Variants in BCL2L13 observed in about 807,000 individuals in gnomAD.
BCL2L13 encodes the protein BCL2 like 13.
A neutral mutation model predicts 25.8 loss-of-function variants in BCL2L13; 13 were observed. The observed-to-expected ratio is 0.50, with a 90% CI of 0.33 to 0.80. The LOEUF (loss-of-function observed/expected upper bound fraction) is 0.80. BCL2L13 is among the 30% of genes least tolerant of loss of function. The pLI is 0.02. For synonymous variants in BCL2L13, 244 were observed against 230.3 expected, an observed-to-expected ratio of 1.06 and a Z score of -0.54; for missense variants, 504 against 574.9, an observed-to-expected ratio of 0.88 and a Z score of 1.26.
At chr22:17,638,749 G>A, upstream of BCL2L13, 1 of 1,231,762 alleles carries the variant, frequency 8.1e-7, no homozygotes, top group Non-Finnish European at 1.0e-6. Context: ...GCACGCCGGG[G>A]TGACCTCACC....
intron 1 of BCL2L13, among the ~76,000 whole-genome samples, chr22:17,653,983 T>G (rs1364174717): frequency 6.6e-6 from 1 of 152,152 alleles, no homozygotes; most frequent in African/African-American, 2.4e-5. Context: ...CTATGAAAAC[T>G]CCTGAGGTCT....
At chr22:17,676,593 A>G (rs1372893432) in intron 2 of BCL2L13, among the ~76,000 whole-genome samples, 2 of 152,242 alleles carry the variant, frequency 1.3e-5, no homozygotes, top group Admixed American at 1.3e-4. Flanking sequence ...CTGGAAGGGA[A>G]AGAGAGAATT....
chr22:17,650,175 T>C (rs2058635631), intron 1 of BCL2L13, among the ~76,000 whole-genome samples: 1 of 152,128 alleles, frequency 6.6e-6, no homozygotes, highest in Admixed American at 6.6e-5. Context: ...CGGCTGACTC[T>C]TCTTATTTTC....
chr22:17,649,123 G>A (rs1255171766), intron 1 of BCL2L13, among the ~76,000 whole-genome samples: 10 of 150,960 alleles, frequency 6.6e-5, no homozygotes, highest in Middle Eastern at 3.4e-3. Context: ...TTTGGGAGAC[G>A]GAGTCTAGCT....
chr22:17,702,447 T>C, intron 6 of BCL2L13, 61 bp downstream of exon 6: 1 of 1,417,272 alleles, frequency 7.1e-7, no homozygotes, highest in Non-Finnish European at 9.3e-7. Flanking sequence ...GTTGTTTTTC[T>C]TAAGAGATGG....
chr22:17,680,942 G>A (rs1286354577), intron 2 of BCL2L13, among the ~76,000 whole-genome samples: 1 of 152,048 alleles, frequency 6.6e-6, no homozygotes, highest in Non-Finnish European at 1.5e-5. Flanking sequence ...AGTTGGGATG[G>A]CGCTGTAGGG....
intron 1 of BCL2L13, among the ~76,000 whole-genome samples, chr22:17,651,367 CTATT>C (rs148784214): frequency 0.23 from 11,506 of 49,480 alleles, 905 homozygotes; most frequent in East Asian, 0.5. Context: ...CAGCCTAGAC[CTATT>C]TATTTATTTA....
Position 17,726,742 on chromosome 22 carries a change from T to G in BCL2L13, c.666T>G (p.Asn222Lys). 6.2e-7 allele frequency: 1 copy of G among 1,614,168 alleles called. No homozygotes were observed. The highest frequency in any genetic ancestry group is 8.5e-7 in the Non-Finnish European group (1 of 1,179,998). The change falls in exon 7 of 7, where the codon AAT becomes AAG. Residue 222 changes from asparagine to lysine, a missense_variant. Transcript: ENST00000317582. Reference sequence around the variant, plus strand: ...CTGGAATCACTGCAGAAGATAGCAATGACATTTACATCCTGCCCAGCGACA... The same window carrying G: ...CTGGAATCACTGCAGAAGATAGCAAGGACATTTACATCCTGCCCAGCGACA... Reference protein sequence around the residue: ...EYPGITAEDSNDIYILPSDNS... With the variant: ...EYPGITAEDSKDIYILPSDNS...
chr22:17,638,654 C>G, upstream of BCL2L13: 1 of 1,229,048 alleles, frequency 8.1e-7, no homozygotes, highest in East Asian at 3.2e-5. Flanking sequence ...ACCTCCGGGG[C>G]CTCCGTTGGT....
At chr22:17,634,472 A>G (rs2058074801), upstream of BCL2L13, among the ~76,000 whole-genome samples, 2 of 152,230 alleles carry the variant, frequency 1.3e-5, no homozygotes. Flanking sequence ...GGCGTGAGCC[A>G]TCGCACCCAG....
In BCL2L13 at chr22:17,659,036, C is replaced by T. The variant is rs1283829298; in HGVS notation, c.121+3204C>T. Among the ~76,000 whole-genome samples, 26 of 95,642 alleles carry T rather than the reference C, an allele frequency of 2.7e-4. 2 individuals carry two copies. The highest frequency in any genetic ancestry group is 8.2e-4 in the African/African-American group (21 of 25,730). 62.7% of individuals were successfully genotyped at this position (95,642 alleles called of 152,430 possible). A position where few individuals can be genotyped will look rare whatever the true frequency, so the allele number is the denominator to read the frequency against. On this transcript the variant is annotated intron_variant, in intron 2 of 6. Transcript: ENST00000317582. The stretch of plus-strand genomic sequence containing the variant: ...TCGCCCCGCTGCACTCCAGCCTGGA[C>T]GACAGAGCAAGACTCCATCTAAAAA...
chr22:17,716,572 C>T (rs1394976126), intron 6 of BCL2L13, among the ~76,000 whole-genome samples: 1 of 152,076 alleles, frequency 6.6e-6, no homozygotes, highest in Non-Finnish European at 1.5e-5. Context: ...TTGACTTTAC[C>T]TCCTCTAATG....
intron 2 of BCL2L13, among the ~76,000 whole-genome samples, chr22:17,676,899 C>T (rs1416726560): frequency 6.6e-6 from 1 of 152,166 alleles, no homozygotes; most frequent in Non-Finnish European, 1.5e-5. Flanking sequence ...AAATTGGCCT[C>T]AAATTTTTGC....
chr22:17,682,860 G>T (rs1383644484), intron 2 of BCL2L13, among the ~76,000 whole-genome samples: 2 of 152,192 alleles, frequency 1.3e-5, no homozygotes, highest in Non-Finnish European at 1.5e-5. Context: ...AGGGCTGGGT[G>T]CAGTGGCTTA....
At chr22:17,689,611 G>A (rs574723235) in intron 4 of BCL2L13, among the ~76,000 whole-genome samples, 4 of 152,252 alleles carry the variant, frequency 2.6e-5, no homozygotes, top group East Asian at 3.9e-4. Flanking sequence ...TTGGGAGGCC[G>A]AGGTGGGCGG....
At chr22:17,658,316 C>T (rs935181267) in intron 2 of BCL2L13, among the ~76,000 whole-genome samples, 2 of 151,942 alleles carry the variant, frequency 1.3e-5, no homozygotes, top group African/African-American at 4.8e-5. Context: ...TAACAAAAGC[C>T]TTCAGTGTAT....
intron 3 of BCL2L13, among the ~76,000 whole-genome samples, chr22:17,686,872 G>A (rs772136057): frequency 1.3e-5 from 2 of 152,072 alleles, no homozygotes; most frequent in Non-Finnish European, 2.9e-5. Context: ...GTATATTCTG[G>A]TAACAGCACT....
At chr22:17,697,205 G>A (rs529698799) in intron 5 of BCL2L13, among the ~76,000 whole-genome samples, 16 of 151,970 alleles carry the variant, frequency 1.1e-4, no homozygotes, top group South Asian at 2.1e-4. Flanking sequence ...TTGGGAGGCC[G>A]AGGTGGGCGG....
upstream of BCL2L13, among the ~76,000 whole-genome samples, chr22:17,635,659 TG>T (rs1241750109): frequency 2.6e-5 from 4 of 151,962 alleles, no homozygotes; most frequent in Non-Finnish European, 5.9e-5. Flanking sequence ...GAGAATTGCT[TG>T]AGGCTAGGAG....
Sources: allele counts gnomAD v4.1 joint callset (sites outside exome capture counted in the v4.1 genomes callset), GRCh38; gene constraint gnomAD v4.1.1; transcripts MANE v1.5; gene names NCBI Gene and HGNC (gene_info 2026-07-23, HGNC 2026-07-21).